KCNIP4: variants seen among roughly 807,000 people sequenced by gnomAD.
KCNIP4 encodes the protein potassium voltage-gated channel interacting protein 4.
A neutral mutation model predicts 34.0 loss-of-function variants in KCNIP4; 12 were observed. The ratio of observed to expected loss-of-function variants is 0.35; its 90% CI spans 0.23 to 0.57. KCNIP4 has a LOEUF of 0.57. Among genes scored for constraint, KCNIP4 ranks in the 20% least tolerant of loss-of-function variants. The probability of loss-of-function intolerance (pLI) is 0.83; values close to 1 mark genes in which losing one functional copy is unlikely to be tolerated. For synonymous variants in KCNIP4, 124 were observed against 102.2 expected, an observed-to-expected ratio of 1.21 and a Z score of -1.29; for missense variants, 238 against 311.7, an observed-to-expected ratio of 0.76 and a Z score of 1.78.
At chr4:21,244,004 A>G (rs756962049) in intron 1 of KCNIP4, among the ~76,000 whole-genome samples, 2 of 152,218 alleles carry the variant, frequency 1.3e-5, no homozygotes, top group Non-Finnish European at 2.9e-5. Context: ...ATAAATTGCT[A>G]GTGAGGCAAG....
intron 1 of KCNIP4, among the ~76,000 whole-genome samples, chr4:21,484,598 G>T (rs1340920088): frequency 2.0e-5 from 3 of 152,160 alleles, no homozygotes; most frequent in Non-Finnish European, 4.4e-5. Context: ...GTTGAGGGTT[G>T]TTTGGTCGGG....
At chr4:20,896,857 A>C (rs1726589199) in intron 1 of KCNIP4, among the ~76,000 whole-genome samples, 1 of 152,152 alleles carries the variant, frequency 6.6e-6, no homozygotes, top group Admixed American at 6.5e-5. Context: ...TGTATATAGA[A>C]CAATGTCTGC....
chr4:21,464,490 T>C (rs1230704169), intron 1 of KCNIP4, among the ~76,000 whole-genome samples: 2 of 152,088 alleles, frequency 1.3e-5, no homozygotes, highest in Non-Finnish European at 2.9e-5. Context: ...TCCACATAAT[T>C]GTGAATTTCT....
intron 1 of KCNIP4, among the ~76,000 whole-genome samples, chr4:21,811,936 A>T (rs1307723203): frequency 6.6e-6 from 1 of 152,210 alleles, no homozygotes; most frequent in Non-Finnish European, 1.5e-5. Context: ...TTGAAATTCT[A>T]AATATCCACA....
At chr4:21,436,017 C>CCCAGA (rs1726915498) in intron 1 of KCNIP4, among the ~76,000 whole-genome samples, 2 of 152,158 alleles carry the variant, frequency 1.3e-5, no homozygotes, top group South Asian at 4.1e-4. Flanking sequence ...TCTTACTATT[C>CCCAGA]TGTTTGACAA....
chr4:21,053,773 T>C (rs1295990248), intron 1 of KCNIP4, among the ~76,000 whole-genome samples: 1 of 152,136 alleles, frequency 6.6e-6, no homozygotes, highest in Non-Finnish European at 1.5e-5. Context: ...TAGTATCCAA[T>C]AAATAAAATA....
intron 1 of KCNIP4, among the ~76,000 whole-genome samples, chr4:21,432,132 A>ATATATG (rs1560399659): frequency 7.4e-5 from 9 of 121,638 alleles, no homozygotes; most frequent in African/African-American, 9.0e-5. Context: ...ATATATATAT[A>ATATATG]TATATACAAT....
chr4:21,443,554 A>G (rs1194631854), intron 1 of KCNIP4, among the ~76,000 whole-genome samples: 1 of 152,194 alleles, frequency 6.6e-6, no homozygotes, highest in Non-Finnish European at 1.5e-5. Flanking sequence ...CTTAAGAGCA[A>G]TGACAAAGGT....
intron 1 of KCNIP4, among the ~76,000 whole-genome samples, chr4:21,408,394 A>G (rs1481935541): frequency 6.6e-6 from 1 of 152,178 alleles, no homozygotes; most frequent in Non-Finnish European, 1.5e-5. Flanking sequence ...CGTAAATTAT[A>G]AAGATTCTGC....
chr4:21,828,588 C>A (rs1447567990), intron 1 of KCNIP4, among the ~76,000 whole-genome samples: 1 of 151,726 alleles, frequency 6.6e-6, no homozygotes, highest in Non-Finnish European at 1.5e-5. Context: ...CAGACCATAA[C>A]AAGATTTTAA....
intron 1 of KCNIP4, among the ~76,000 whole-genome samples, chr4:21,542,894 T>C (rs1017513188): frequency 6.6e-6 from 1 of 151,786 alleles, no homozygotes; most frequent in Non-Finnish European, 1.5e-5. Context: ...AGTACTAACA[T>C]TTATTAAAAT....
intron 1 of KCNIP4, among the ~76,000 whole-genome samples, chr4:21,348,182 G>A (rs1206491893): frequency 1.3e-5 from 2 of 152,078 alleles, no homozygotes; most frequent in East Asian, 3.9e-4. Flanking sequence ...TTTCCCTCTT[G>A]ACTAGGACCA....
At chr4:21,343,480 A>G (rs754446567) in intron 1 of KCNIP4, among the ~76,000 whole-genome samples, 2 of 152,054 alleles carry the variant, frequency 1.3e-5, no homozygotes, top group Non-Finnish European at 1.5e-5. Flanking sequence ...TTGCAAGTTT[A>G]TTATCTCTCC....
At chr4:21,380,462 AG>A (rs1721392064) in intron 1 of KCNIP4, among the ~76,000 whole-genome samples, 2 of 98,592 alleles carry the variant, frequency 2.0e-5, no homozygotes, top group African/African-American at 9.3e-5. Flanking sequence ...AGAGGGGGAG[AG>A]AGAGAGAGAG....
intron 1 of KCNIP4, among the ~76,000 whole-genome samples, chr4:20,943,775 G>T (rs1397818897): frequency 1.3e-5 from 2 of 152,136 alleles, no homozygotes; most frequent in Non-Finnish European, 2.9e-5. Context: ...AGTCAGCTTT[G>T]TAATCAGGGC....
intron 1 of KCNIP4, among the ~76,000 whole-genome samples, chr4:21,304,267 AT>A (rs1712173920): frequency 6.6e-6 from 1 of 152,324 alleles, no homozygotes; most frequent in African/African-American, 2.4e-5. Context: ...TGTCGGAATT[AT>A]CGGCTTCCTC....
chr4:21,177,945 G>T (rs373501784), intron 1 of KCNIP4, among the ~76,000 whole-genome samples: 1 of 151,208 alleles, frequency 6.6e-6, no homozygotes, highest in African/African-American at 2.4e-5. Flanking sequence ...TGTTTTACAG[G>T]TTATTATACT....
chr4:20,827,290 C>G (rs1027589709), intron 3 of KCNIP4, among the ~76,000 whole-genome samples: 6 of 152,154 alleles, frequency 3.9e-5, no homozygotes, highest in African/African-American at 1.4e-4. Flanking sequence ...AATTTATTTT[C>G]TCACAGCTCT....
At chr4:21,834,375 A>G (rs945269359) in intron 1 of KCNIP4, among the ~76,000 whole-genome samples, 1 of 152,166 alleles carries the variant, frequency 6.6e-6, no homozygotes, top group Admixed American at 6.5e-5. Context: ...GAGTTCACTC[A>G]TGATTTGGCT....
Sources: gnomAD v4.1 joint callset for allele counts (sites outside exome capture counted in the v4.1 genomes callset) on GRCh38, gnomAD v4.1.1 for gene constraint, MANE v1.5 for transcripts, NCBI Gene and HGNC (gene_info 2026-07-23, HGNC 2026-07-21) for gene names.